RNF182: variants seen among roughly 807,000 people sequenced by gnomAD.
RNF182 encodes the protein E3 ubiquitin-protein ligase RNF182.
RNF182 carries 15 observed loss-of-function variants against 14.4 expected under a neutral mutation model. The ratio of observed to expected loss-of-function variants is 1.04; its 90% CI spans 0.70 to 1.60. RNF182 has a LOEUF of 1.60. Among genes scored for constraint, RNF182 ranks in the 40% most tolerant of loss-of-function variants. RNF182 has a pLI of 0.00. For missense variants in RNF182, 268 were observed against 294.8 expected (o/e 0.91, Z 0.67); for synonymous variants, 128 against 122.9 (o/e 1.04, Z -0.27).
chr6:13,947,500 A>T (rs915713453), intron 1 of RNF182, among the ~76,000 whole-genome samples: 1 of 152,220 alleles, frequency 6.6e-6, no homozygotes, highest in African/African-American at 2.4e-5. Flanking sequence ...ATTATTTGCC[A>T]TATAGGCTCT....
At chr6:13,961,284 G>T (rs780803734) in intron 1 of RNF182, among the ~76,000 whole-genome samples, 1 of 152,132 alleles carries the variant, frequency 6.6e-6, no homozygotes, top group African/African-American at 2.4e-5. Context: ...CATATCAATG[G>T]ATCCATTATT....
Position 13,977,987 on chromosome 6 carries a change from G to A in RNF182, c.*124G>A. On this transcript the variant is annotated 3_prime_UTR_variant, in exon 3 of 3. Transcript: ENST00000488300. Reference sequence around the variant, plus strand: ...ATCCATGACATTAACAAAACCCTTGGCCACATGTTGACTTGATTGGTTTTC... The same window carrying A: ...ATCCATGACATTAACAAAACCCTTGACCACATGTTGACTTGATTGGTTTTC... 1 of 1,097,596 alleles carries A rather than the reference G, an allele frequency of 9.1e-7. No individual in the cohort carries two copies. Among genetic ancestry groups the A allele is most frequent in the Non-Finnish European group, 1.3e-6 (1 of 775,006 alleles). The allele number at this position is 1,097,596 out of a possible 1,614,324, so 68.0% of individuals were successfully genotyped here.
At chr6:13,924,454 TGCG>T (rs1758759250), upstream of RNF182, 2 of 152,330 alleles carry the variant, frequency 1.3e-5, no homozygotes, top group Non-Finnish European at 2.9e-5. Flanking sequence ...CCGTGCATGC[TGCG>T]GCAGTTGCAA....
intron 1 of RNF182, among the ~76,000 whole-genome samples, chr6:13,934,547 G>C (rs1759057143): frequency 6.6e-6 from 1 of 152,216 alleles, no homozygotes; most frequent in Non-Finnish European, 1.5e-5. Context: ...GTTTACAACA[G>C]TTGTAATAGT....
chr6:13,939,918 T>C (rs1343590831), intron 1 of RNF182, among the ~76,000 whole-genome samples: 1 of 152,230 alleles, frequency 6.6e-6, no homozygotes, highest in Admixed American at 6.5e-5. Flanking sequence ...ATAACTTATT[T>C]GTAGAATGAT....
rs1759470136 is a variant in RNF182 at position 13,947,531 on chromosome 6, G to A, written c.-367+22508G>A. On this transcript the variant is annotated intron_variant, in intron 1 of 2. Transcript: ENST00000488300. ...GCTCTTTTGGCTTTGATGGAACTGT[G>A]TTCTATAATCTAATCTTAGATTAGA... Among the ~76,000 whole-genome samples the A allele has an allele frequency of 2.0e-5, 3 of 152,284 alleles. No homozygotes were observed. The South Asian group carries it at 6.2e-4, about 32-fold the overall frequency.
intron 1 of RNF182, chr6:13,961,640 A>G (rs1252752997): frequency 1.3e-5 from 2 of 152,224 alleles, no homozygotes; most frequent in African/African-American, 4.8e-5. Context: ...AGCACAGCAT[A>G]AATCACAACT....
chr6:13,943,483 G>T (rs1759350811), intron 1 of RNF182, among the ~76,000 whole-genome samples: 1 of 152,044 alleles, frequency 6.6e-6, no homozygotes, highest in African/African-American at 2.4e-5. Context: ...AGTAAATCAT[G>T]TATGCTACTG....
intron 1 of RNF182, among the ~76,000 whole-genome samples, chr6:13,951,986 C>T (rs2113615520): frequency 6.6e-6 from 1 of 152,324 alleles, no homozygotes; most frequent in South Asian, 2.1e-4. Flanking sequence ...TGCCTGTCAT[C>T]TTTGATCCAC....
chr6:13,977,860 T>C lies in RNF182; in HGVS notation c.741T>C (p.Ser247=), dbSNP rs758602688. 17 of 1,605,076 alleles carry C rather than the reference T, an allele frequency of 1.1e-5. No homozygotes were observed. In the South Asian group the frequency reaches 1.9e-4, roughly 18 times the overall value. The change falls in exon 3 of 3, where the codon TCT becomes TCC. Residue 247 remains serine (S), a synonymous_variant. Transcript: ENST00000488300. The part of the protein sequence containing the change: ...HEFLDCMAPP[S] The stretch of plus-strand genomic sequence containing the variant: ...TTCTAGACTGTATGGCACCTCCTTC[T>C]TAACTGATATGCAAAATAAGAAATT...
intron 1 of RNF182, among the ~76,000 whole-genome samples, chr6:13,967,302 AT>A (rs1232726761): frequency 6.6e-6 from 1 of 152,252 alleles, no homozygotes; most frequent in Non-Finnish European, 1.5e-5. Context: ...AAGGAAAGAC[AT>A]TATATAATGA....
intron 1 of RNF182, among the ~76,000 whole-genome samples, chr6:13,933,408 C>T (rs938560902): frequency 2.0e-5 from 3 of 147,338 alleles, no homozygotes; most frequent in South Asian, 2.3e-4. Context: ...CCCAGCTGCT[C>T]CAAAGGCTGA....
chr6:13,957,632 T>C (rs1255115549), intron 1 of RNF182, among the ~76,000 whole-genome samples: 2 of 152,218 alleles, frequency 1.3e-5, no homozygotes, highest in Non-Finnish European at 2.9e-5. Context: ...TTTAGAATTA[T>C]GGAAAGTGAG....
At chr6:13,963,637 C>G (rs1440440414) in intron 1 of RNF182, among the ~76,000 whole-genome samples, 1 of 152,196 alleles carries the variant, frequency 6.6e-6, no homozygotes, top group Non-Finnish European at 1.5e-5. Flanking sequence ...GGTTTCTCAT[C>G]TTCAGAGAGG....
At chr6:13,945,607 A>T (rs928787739) in intron 1 of RNF182, among the ~76,000 whole-genome samples, 3 of 152,230 alleles carry the variant, frequency 2.0e-5, no homozygotes, top group Non-Finnish European at 4.4e-5. Flanking sequence ...AATTTTTGTC[A>T]CTACAATGTT....
chr6:13,929,857 T>G (rs1167615502), intron 1 of RNF182, among the ~76,000 whole-genome samples: 2 of 152,206 alleles, frequency 1.3e-5, no homozygotes, highest in African/African-American at 4.8e-5. Flanking sequence ...TCCCCCATCT[T>G]ATTTTCTCTT....
At chr6:13,944,776 A>C (rs2113603449) in intron 1 of RNF182, among the ~76,000 whole-genome samples, 1 of 152,334 alleles carries the variant, frequency 6.6e-6, no homozygotes, top group South Asian at 2.1e-4. Context: ...CAGATATTTT[A>C]AATAACATGT....
At chr6:13,939,724 T>C (rs1759240106) in intron 1 of RNF182, among the ~76,000 whole-genome samples, 2 of 152,160 alleles carry the variant, frequency 1.3e-5, no homozygotes, top group Admixed American at 6.5e-5. Flanking sequence ...TTTGTATTTT[T>C]AGTAGAGATG....
chr6:13,940,358 G>A (rs951696491), intron 1 of RNF182, among the ~76,000 whole-genome samples: 1 of 152,100 alleles, frequency 6.6e-6, no homozygotes, highest in Non-Finnish European at 1.5e-5. Context: ...TCCAACTGAT[G>A]TGCTATTATT....
Sources: allele counts gnomAD v4.1 joint callset (sites outside exome capture counted in the v4.1 genomes callset), GRCh38; gene constraint gnomAD v4.1.1; transcripts MANE v1.5; gene names NCBI Gene and HGNC (gene_info 2026-07-23, HGNC 2026-07-21).